Variants in B3GALT1 observed in about 807,000 individuals in gnomAD.
B3GALT1 encodes UDP-Gal:betaGlcNAc beta 1,3-galactosyltransferase, polypeptide 1.
A neutral mutation model predicts 23.2 loss-of-function variants in B3GALT1; 10 were observed. That is an observed-to-expected ratio of 0.43 (90% CI 0.27 to 0.73). B3GALT1 has a LOEUF of 0.73. B3GALT1 is among the 30% of genes least tolerant of loss of function. The probability of loss-of-function intolerance (pLI) is 0.21; values close to 1 mark genes in which losing one functional copy is unlikely to be tolerated. For missense variants in B3GALT1, 299 were observed against 405.4 expected (o/e 0.74, Z 2.25); for synonymous variants, 156 against 141.5 (o/e 1.10, Z -0.73).
chr2:167,635,358 G>A (rs1685531577), intron 2 of B3GALT1, among the ~76,000 whole-genome samples: 1 of 152,040 alleles, frequency 6.6e-6, no homozygotes, highest in South Asian at 2.1e-4. Context: ...AGGGCAATCA[G>A]GCAAGAGAAG....
At chr2:167,530,306 C>G (rs1024427089) in intron 2 of B3GALT1, among the ~76,000 whole-genome samples, 1 of 152,136 alleles carries the variant, frequency 6.6e-6, no homozygotes, top group African/African-American at 2.4e-5. Flanking sequence ...TTATATATTA[C>G]ATATTTTTGT....
At chr2:167,328,585 GTTTC>G (rs1447875423) in intron 1 of B3GALT1, among the ~76,000 whole-genome samples, 1 of 151,552 alleles carries the variant, frequency 6.6e-6, no homozygotes, top group African/African-American at 2.4e-5. Flanking sequence ...GATTTTATTT[GTTTC>G]TTCTTTCTTT....
At chr2:167,813,600 T>G (rs547970387) in intron 3 of B3GALT1, among the ~76,000 whole-genome samples, 2 of 152,228 alleles carry the variant, frequency 1.3e-5, no homozygotes, top group African/African-American at 4.8e-5. Flanking sequence ...AATATGGGTA[T>G]AGGATGTAGG....
intron 1 of B3GALT1, among the ~76,000 whole-genome samples, chr2:167,435,433 C>CAAAAAAAAA (rs1159357073): frequency 7.6e-5 from 2 of 26,212 alleles, no homozygotes; most frequent in African/African-American, 9.6e-5. Context: ...CATATGCTTG[C>CAAAAAAAAA]AAAAAAAAAA....
chr2:167,854,569 C>T (rs1689963684), intron 4 of B3GALT1, among the ~76,000 whole-genome samples: 2 of 152,166 alleles, frequency 1.3e-5, no homozygotes, highest in Admixed American at 6.5e-5. Flanking sequence ...TCTGGAACAT[C>T]CAAATAACCA....
intron 3 of B3GALT1, among the ~76,000 whole-genome samples, chr2:167,811,746 C>T (rs1160123901): frequency 1.3e-5 from 2 of 152,158 alleles, no homozygotes; most frequent in South Asian, 2.1e-4. Flanking sequence ...CCTGTTATGC[C>T]TCTCTGGTCA....
intron 1 of B3GALT1, among the ~76,000 whole-genome samples, chr2:167,400,857 G>A (rs532136317): frequency 6.6e-6 from 1 of 152,204 alleles, no homozygotes; most frequent in African/African-American, 2.4e-5. Flanking sequence ...TGCATTCACA[G>A]ACAGGAAACA....
intron 1 of B3GALT1, among the ~76,000 whole-genome samples, chr2:167,370,005 T>C: frequency 6.6e-6 from 1 of 152,198 alleles, no homozygotes; most frequent in East Asian, 1.9e-4. Flanking sequence ...TTGGTAATAT[T>C]CTGTATATTT....
chr2:167,816,241 G>T (rs775284293), intron 3 of B3GALT1, among the ~76,000 whole-genome samples: 4 of 152,086 alleles, frequency 2.6e-5, no homozygotes, highest in Non-Finnish European at 5.9e-5. Context: ...TGCATTGATG[G>T]CAATTAAGTA....
At chr2:167,591,271 A>T (rs1684673804) in intron 2 of B3GALT1, among the ~76,000 whole-genome samples, 1 of 151,952 alleles carries the variant, frequency 6.6e-6, no homozygotes, top group Non-Finnish European at 1.5e-5. Flanking sequence ...AAAAGTCATG[A>T]TCTGGGGGCA....
intron 1 of B3GALT1, among the ~76,000 whole-genome samples, chr2:167,359,392 C>A (rs1022420673): frequency 1.3e-5 from 2 of 152,180 alleles, no homozygotes; most frequent in African/African-American, 4.8e-5. Context: ...AAGTCTCTGC[C>A]ATTACCCACA....
At position 167,873,419 on chromosome 2, in the gene B3GALT1, C is replaced by T. The variant is rs1690388281; in HGVS notation, c.*3399C>T. 1 of 152,080 alleles carries T rather than the reference C, an allele frequency of 6.6e-6. No individual in the cohort carries two copies. The highest frequency in any genetic ancestry group is 6.5e-5 in the Admixed American group (1 of 15,268). 9.4% of individuals were successfully genotyped at this position (152,080 alleles called of 1,614,324 possible). On this transcript the variant is annotated 3_prime_UTR_variant, in exon 5 of 5. Coordinates refer to ENST00000392690, the MANE Select transcript of B3GALT1 (RefSeq NM_020981.4). ...AGAAGAATAAAACCCCTTTGCGTGA[C>T]ACGATATGGGGAAAATAAACTATTT... is the stretch of plus-strand genomic sequence containing the variant.
At chr2:167,682,769 A>G (rs1399960794) in intron 3 of B3GALT1, among the ~76,000 whole-genome samples, 1 of 152,224 alleles carries the variant, frequency 6.6e-6, no homozygotes, top group African/African-American at 2.4e-5. Context: ...CCTTGCAGAT[A>G]GGAATCTATG....
chr2:167,628,904 A>G (rs1685391593), intron 2 of B3GALT1, among the ~76,000 whole-genome samples: 1 of 151,636 alleles, frequency 6.6e-6, no homozygotes, highest in African/African-American at 2.4e-5. Flanking sequence ...TTAGTGTGGG[A>G]AATTTTATTT....
intron 2 of B3GALT1, among the ~76,000 whole-genome samples, chr2:167,637,107 A>C (rs1470831686): frequency 6.6e-6 from 1 of 151,956 alleles, no homozygotes; most frequent in Non-Finnish European, 1.5e-5. Context: ...GCTCTCACCC[A>C]TGTCTGCAGG....
At chr2:167,395,513 C>A (rs1243989751) in intron 1 of B3GALT1, among the ~76,000 whole-genome samples, 1 of 152,110 alleles carries the variant, frequency 6.6e-6, no homozygotes, top group African/African-American at 2.4e-5. Flanking sequence ...TCCCCAGAAC[C>A]TCCAGAAAGA....
At chr2:167,513,169 G>A (rs1477485617) in intron 2 of B3GALT1, among the ~76,000 whole-genome samples, 2 of 148,392 alleles carry the variant, frequency 1.3e-5, no homozygotes, top group African/African-American at 5.0e-5. Context: ...GACACATGAA[G>A]AAGTCATCAG....
At chr2:167,703,523 T>C (rs1686914270) in intron 3 of B3GALT1, among the ~76,000 whole-genome samples, 1 of 152,030 alleles carries the variant, frequency 6.6e-6, no homozygotes, top group East Asian at 1.9e-4. Flanking sequence ...ACAGGAATGG[T>C]TGAGCATTGC....
Position 167,619,477 on chromosome 2 carries a change from C to T in B3GALT1, c.-409-27432C>T, listed in dbSNP as rs560098343. ...TTTGACATCCAGTGGAGTGCCTGACCGTAATAGCTACTTTTTGAGAGAACA... is the reference window on the plus strand; with the variant it reads ...TTTGACATCCAGTGGAGTGCCTGACTGTAATAGCTACTTTTTGAGAGAACA... On this transcript the variant is annotated intron_variant, in intron 2 of 4. Transcript: ENST00000392690. Among the ~76,000 whole-genome samples, 10 of 151,988 alleles carry T rather than the reference C, an allele frequency of 6.6e-5. No homozygotes were observed. In the Middle Eastern group the frequency reaches 0.014, roughly 208 times the overall value.
Sources: gnomAD v4.1 joint callset for allele counts (sites outside exome capture counted in the v4.1 genomes callset) on GRCh38, gnomAD v4.1.1 for gene constraint, MANE v1.5 for transcripts, NCBI Gene and HGNC (gene_info 2026-07-23, HGNC 2026-07-21) for gene names.